The following POLR2M variants were observed in gnomAD, a reference collection of about 807,000 sequenced individuals.
The protein encoded by POLR2M is RNA polymerase II subunit M, also known as protein GRINL1A.
Under a neutral mutation model 34.6 loss-of-function variants are expected in POLR2M, and 30 were observed. That is an observed-to-expected ratio of 0.87 (90% CI 0.65 to 1.18). POLR2M has a LOEUF of 1.18. Among genes scored for constraint, POLR2M ranks in the 50% most tolerant of loss-of-function variants. POLR2M has a pLI of 0.00. For synonymous variants in POLR2M, 150 were observed against 166.7 expected, an observed-to-expected ratio of 0.90 and a Z score of 0.77; for missense variants, 432 against 448.7, an observed-to-expected ratio of 0.96 and a Z score of 0.34.
intron 3 of POLR2M, among the ~76,000 whole-genome samples, chr15:57,713,485 A>T (rs1408102570): frequency 1.1e-4 from 16 of 152,066 alleles, no homozygotes; most frequent in Admixed American, 9.2e-4. Flanking sequence ...TTACTGACCC[A>T]TATTCATGGC....
Position 57,717,376 on chromosome 15 carries a change from C to A in POLR2M, c.*2697C>A, listed in dbSNP as rs1305639923. On this transcript the variant is annotated 3_prime_UTR_variant, in exon 4 of 4. Coordinates refer to ENST00000299638, the MANE Select transcript of POLR2M (RefSeq NM_015532.5). ...AAACTAGATGCAGAGGAGGTCTTGC[C>A]AGCACTCCAAAATCTCTGTGTGTCC... is the stretch of plus-strand genomic sequence containing the variant. 6.6e-6 allele frequency: 1 copy of A among 152,130 alleles called. No homozygotes were observed. The highest frequency in any genetic ancestry group is 1.5e-5 in the Non-Finnish European group (1 of 68,026). 9.4% of individuals were successfully genotyped at this position (152,130 alleles called of 1,614,324 possible).
intron 1 of POLR2M, among the ~76,000 whole-genome samples, chr15:57,708,200 T>C (rs2470361): frequency 0.19 from 28,964 of 152,152 alleles, 3,582 homozygotes; most frequent in East Asian, 0.57. Context: ...ACGTCTGAAG[T>C]CTTTAAAACA....
chr15:57,707,180 A>G (rs1216454132), intron 1 of POLR2M: 6 of 1,484,634 alleles, frequency 4.0e-6, no homozygotes, highest in East Asian at 2.5e-5. Flanking sequence ...TTGAACGGCT[A>G]CCTGGCGTTG....
In POLR2M at chr15:57,709,045, A is replaced by G. The variant is rs773575978; in HGVS notation, c.445A>G (p.Thr149Ala). The G allele has an allele frequency of 1.2e-6, 2 of 1,614,136 alleles. No homozygotes were observed. The highest frequency in any genetic ancestry group is 1.7e-6 in the Non-Finnish European group (2 of 1,180,002). The change falls in exon 2 of 4, where the codon ACA (threonine) becomes GCA (alanine). Residue 149 changes from threonine (T) to alanine (A), a missense_variant. By Grantham distance (58) the Thr-to-Ala change is moderately conservative (BLOSUM62 0). Coordinates refer to ENST00000299638, the MANE Select transcript of POLR2M (RefSeq NM_015532.5). ...TGAAGAGACTTCAGAGGTTGAGTACACAGTGAATAAGGGCCCAGCTTCCAG... is the reference window on the plus strand; with the variant it reads ...TGAAGAGACTTCAGAGGTTGAGTACGCAGTGAATAAGGGCCCAGCTTCCAG... Reference protein sequence around the residue: ...GDEETSEVEYTVNKGPASSNR... With the variant: ...GDEETSEVEYAVNKGPASSNR...
rs1306822476 is a variant in POLR2M at position 57,717,089 on chromosome 15, T to C, written c.*2410T>C. ...TATTTCGAAGAATTTACCAATTGGT[T>C]CAGTATGTGAAACCACCATTTCCCC... On this transcript the variant is annotated 3_prime_UTR_variant, in exon 4 of 4. Transcript: ENST00000299638. 1 of 152,204 alleles carries C rather than the reference T, an allele frequency of 6.6e-6. No homozygotes were observed. The highest frequency in any genetic ancestry group is 1.5e-5 in the Non-Finnish European group (1 of 68,028). The allele number at this position is 152,204 out of a possible 1,614,324, so 9.4% of individuals were successfully genotyped here. A position where few individuals can be genotyped will look rare whatever the true frequency, so the allele number is the denominator to read the frequency against.
Position 57,712,046 on chromosome 15 carries a change from C to T in POLR2M, c.821C>T (p.Ser274Leu). ...HCQKSGSPIS[S>L]EERRRRDKQH... ...CAGAAGAGTGGGTCTCCTATTTCCT[C>T]AGAAGAGCGGCGGCGCAGGGATAAG... The change falls in exon 3 of 4, where the codon TCA (serine) becomes TTA (leucine). Residue 274 changes from serine (S) to leucine (L), a missense_variant. Transcript: ENST00000299638. 3.1e-6 allele frequency: 5 copies of T among 1,614,104 alleles called. No individual in the cohort carries two copies. The highest frequency in any genetic ancestry group is 3.4e-6 in the Non-Finnish European group (4 of 1,179,978).
chr15:57,707,032 C>T (rs1342531215), intron 1 of POLR2M, 77 bp downstream of exon 1: 9 of 1,551,702 alleles, frequency 5.8e-6, no homozygotes, highest in African/African-American at 1.4e-5. Flanking sequence ...CCCTCCCGCA[C>T]TCTGTTCCCT....
chr15:57,711,719 CT>C (rs1432222714), intron 2 of POLR2M, among the ~76,000 whole-genome samples: 2 of 143,702 alleles, frequency 1.4e-5, no homozygotes, highest in African/African-American at 5.3e-5. Flanking sequence ...GCAATAAGCC[CT>C]TTTGCAAATG....
rs1222012445 is a variant in POLR2M at position 57,708,912 on chromosome 15, G to A, written c.312G>A (p.Pro104=). 7 of 1,614,050 alleles carry A rather than the reference G, an allele frequency of 4.3e-6. No individual in the cohort carries two copies. The highest frequency in any genetic ancestry group is 4.5e-5 in the East Asian group (2 of 44,884). The change falls in exon 2 of 4, where the codon CCG becomes CCA. Residue 104 remains proline (P), a synonymous_variant. Coordinates refer to ENST00000299638, the MANE Select transcript of POLR2M (RefSeq NM_015532.5). ...CAGATAAGGCCCAGAATTCTGACCC[G>A]ATACTTGATACTTCATCACTAGTTC... ...VGTDKAQNSD[P]ILDTSSLVPG...
At chr15:57,711,745 GAAAA>G (rs11459856) in intron 2 of POLR2M, among the ~76,000 whole-genome samples, 7 of 125,276 alleles carry the variant, frequency 5.6e-5, no homozygotes, top group Admixed American at 3.3e-4. Context: ...TTGAATAAAT[GAAAA>G]AAAAAAAAAA....
intron 1 of POLR2M, among the ~76,000 whole-genome samples, chr15:57,707,744 A>AG (rs1294879054): frequency 1.3e-5 from 2 of 152,226 alleles, no homozygotes; most frequent in African/African-American, 4.8e-5. Flanking sequence ...CAGAGTTGAG[A>AG]GGAGAGCAGG....
intron 1 of POLR2M, among the ~76,000 whole-genome samples, 178 bp from the exon 2 acceptor site, chr15:57,708,536 G>A (rs2040581904): frequency 6.6e-6 from 1 of 152,064 alleles, no homozygotes; most frequent in Non-Finnish European, 1.5e-5. Flanking sequence ...TGTTTTTTGG[G>A]CTATTTGGAT....
In POLR2M at chr15:57,716,819, A is replaced by C. The variant is rs1325225988; in HGVS notation, c.*2140A>C. 2 of 152,136 alleles carry C rather than the reference A, an allele frequency of 1.3e-5. No individual in the cohort carries two copies. Among genetic ancestry groups the C allele is most frequent in the Non-Finnish European group, 2.9e-5 (2 of 68,016 alleles). The allele number at this position is 152,136 out of a possible 1,614,324, so 9.4% of individuals were successfully genotyped here. On this transcript the variant is annotated 3_prime_UTR_variant, in exon 4 of 4. Transcript: ENST00000299638. Reference sequence around the variant, plus strand: ...CATAGTTTGTGGTATTTCAGTATAGAAGTTGTTTTCTTTAGGAGTCTACCT... The same window carrying C: ...CATAGTTTGTGGTATTTCAGTATAGCAGTTGTTTTCTTTAGGAGTCTACCT...
chr15:57,707,622 A>T, intron 1 of POLR2M: 1 of 436,286 alleles, frequency 2.3e-6, no homozygotes, highest in Non-Finnish European at 4.7e-6. Context: ...GACTAATTTA[A>T]ATGCAGTTGA....
chr15:57,715,342 T>G lies in POLR2M; in HGVS notation c.*663T>G, dbSNP rs554152009. On this transcript the variant is annotated 3_prime_UTR_variant, in exon 4 of 4. Coordinates refer to ENST00000299638, the MANE Select transcript of POLR2M (RefSeq NM_015532.5). Reference sequence around the variant, plus strand: ...GTTGGTTTGTTTGTTTGGTTTTGTGTTTTTTTTTGAGATGGGGTCTTGCTC... The same window carrying G: ...GTTGGTTTGTTTGTTTGGTTTTGTGGTTTTTTTTGAGATGGGGTCTTGCTC... 4.4e-4 allele frequency: 66 copies of G among 151,490 alleles called. No individual in the cohort carries two copies. Among genetic ancestry groups the G allele is most frequent in the African/African-American group, 1.5e-3 (62 of 41,072 alleles). The allele number at this position is 151,490 out of a possible 1,614,324, so 9.4% of individuals were successfully genotyped here.
At chr15:57,708,080 G>A (rs1416761193) in intron 1 of POLR2M, among the ~76,000 whole-genome samples, 1 of 152,238 alleles carries the variant, frequency 6.6e-6, no homozygotes, top group Non-Finnish European at 1.5e-5. Flanking sequence ...ATGTATAGCA[G>A]TGAATTAACT....
rs1250695256 is a variant in POLR2M at position 57,712,269 on chromosome 15, A to G, written c.963+81A>G. ...GAATTTACTCCAGGTTCAAGGAGGA[A>G]GGAATGGAATAGAGGGGATTAGGTG... On this transcript the variant is annotated intron_variant, in intron 3 of 3. Coordinates refer to ENST00000299638, the MANE Select transcript of POLR2M (RefSeq NM_015532.5). 4 of 1,522,980 alleles carry G rather than the reference A, an allele frequency of 2.6e-6. No homozygotes were observed. In the South Asian group the frequency reaches 4.9e-5, roughly 19 times the overall value. The allele number at this position is 1,522,980 out of a possible 1,614,324, so 94.3% of individuals were successfully genotyped here.
At chr15:57,708,679 G>T in intron 1 of POLR2M, 35 bp from the exon 2 acceptor site, 1 of 1,506,130 alleles carries the variant, frequency 6.6e-7, no homozygotes, top group Non-Finnish European at 8.9e-7. Context: ...TAAAAAAATG[G>T]CTGTAATGTA....
Position 57,716,525 on chromosome 15 carries a change from T to G in POLR2M, c.*1846T>G, listed in dbSNP as rs550216255. The G allele has an allele frequency of 6.6e-6, 1 of 152,292 alleles. No individual in the cohort carries two copies. Among genetic ancestry groups the G allele is most frequent in the East Asian group, 1.9e-4 (1 of 5,208 alleles). 9.4% of individuals were successfully genotyped at this position (152,292 alleles called of 1,614,324 possible). A position where few individuals can be genotyped will look rare whatever the true frequency, so the allele number is the denominator to read the frequency against. On this transcript the variant is annotated 3_prime_UTR_variant, in exon 4 of 4. Coordinates refer to ENST00000299638, the MANE Select transcript of POLR2M (RefSeq NM_015532.5). ...TTAGCAATATATCCAATGCTCAGAA[T>G]TGAAAATTACTACTTAAAATCTTTG...
Sources: allele counts gnomAD v4.1 joint callset (sites outside exome capture counted in the v4.1 genomes callset), GRCh38; gene constraint gnomAD v4.1.1; transcripts MANE v1.5; gene names NCBI Gene and HGNC (gene_info 2026-07-23, HGNC 2026-07-21).